ADGB: variants seen among roughly 807,000 people sequenced by gnomAD.
ADGB encodes the protein androglobin.
A neutral mutation model predicts 210.5 loss-of-function variants in ADGB; 172 were observed. The ratio of observed to expected loss-of-function variants is 0.82; its 90% CI spans 0.72 to 0.93. The LOEUF is 0.93. Among genes scored for constraint, ADGB ranks in the 40% least tolerant of loss-of-function variants. The probability of loss-of-function intolerance (pLI) is 0.00; values close to 1 mark genes in which losing one functional copy is unlikely to be tolerated. For synonymous variants in ADGB, 658 were observed against 662.7 expected (o/e 0.99, Z 0.11); for missense variants, 2,025 against 1,964.8 (o/e 1.03, Z -0.58).
intron 27 of ADGB, among the ~76,000 whole-genome samples, chr6:146,753,869 G>C (rs554687487): frequency 6.6e-6 from 1 of 151,538 alleles, no homozygotes; most frequent in African/African-American, 2.4e-5. Context: ...ATGTGCACCC[G>C]TACAATTATT....
intron 8 of ADGB, 35 bp downstream of exon 8, chr6:146,672,502 G>A: frequency 1.3e-6 from 2 of 1,493,080 alleles, no homozygotes. Flanking sequence ...GATTCAGTAT[G>A]GACATTGCAT....
chr6:146,799,576 C>T (rs527620792), intron 33 of ADGB, among the ~76,000 whole-genome samples: 31 of 124,680 alleles, frequency 2.5e-4, no homozygotes, highest in African/African-American at 3.4e-4. Flanking sequence ...GGAATGCAGG[C>T]AGGCAGGGAG....
intron 1 of ADGB, among the ~76,000 whole-genome samples, chr6:146,633,257 G>A (rs1191254042): frequency 6.6e-6 from 1 of 152,076 alleles, no homozygotes; most frequent in Non-Finnish European, 1.5e-5. Flanking sequence ...CAGTCACCAA[G>A]CCAGTCCAAA....
At chr6:146,634,964 A>T (rs1775390186) in intron 1 of ADGB, among the ~76,000 whole-genome samples, 1 of 152,076 alleles carries the variant, frequency 6.6e-6, no homozygotes, top group African/African-American at 2.4e-5. Flanking sequence ...AGTGGTAAAA[A>T]GCAATTTATA....
At chr6:146,728,462 A>C (rs1776930346) in intron 19 of ADGB, 112 bp from the exon 20 acceptor site, 1 of 1,083,522 alleles carries the variant, frequency 9.2e-7, no homozygotes, top group South Asian at 2.4e-5. Context: ...TCCTCTATAA[A>C]GAATTATTGA....
At chr6:146,767,735 G>C (rs1411616909) in intron 28 of ADGB, among the ~76,000 whole-genome samples, 1 of 152,078 alleles carries the variant, frequency 6.6e-6, no homozygotes, top group African/African-American at 2.4e-5. Flanking sequence ...TCAGCCTCTT[G>C]AAGTAAGTAT....
rs1056991033 is a variant in ADGB at position 146,781,928 on chromosome 6, C to A, written c.3863-92C>A. ...AAAAAATACAAATCTATTAGCTTAACCATATGTCCCTGAGTTGATTCCCTT... is the reference window on the plus strand; with the variant it reads ...AAAAAATACAAATCTATTAGCTTAAACATATGTCCCTGAGTTGATTCCCTT... On this transcript the variant is annotated intron_variant, in intron 29 of 35. Coordinates refer to ENST00000397944, the MANE Select transcript of ADGB (RefSeq NM_024694.4). 1.0e-5 allele frequency: 9 copies of A among 874,762 alleles called. No individual in the cohort carries two copies. The African/African-American group carries it at 1.4e-4, about 14-fold the overall frequency. 54.2% of individuals were successfully genotyped at this position (874,762 alleles called of 1,614,324 possible). A position where few individuals can be genotyped will look rare whatever the true frequency, so the allele number is the denominator to read the frequency against.
intron 12 of ADGB, among the ~76,000 whole-genome samples, chr6:146,698,730 T>C (rs1448706435): frequency 6.6e-6 from 1 of 152,110 alleles, no homozygotes; most frequent in Non-Finnish European, 1.5e-5. Context: ...CTAGTTTTTT[T>C]CTCAAACTTT....
intron 2 of ADGB, among the ~76,000 whole-genome samples, chr6:146,636,864 A>C (rs1336889119): frequency 3.3e-5 from 5 of 151,978 alleles, no homozygotes; most frequent in Non-Finnish European, 5.9e-5. Flanking sequence ...TCCAAATATA[A>C]CAAGTATCCT....
At chr6:146,635,087 TG>T (rs1216325123) in intron 1 of ADGB, among the ~76,000 whole-genome samples, 2 of 152,050 alleles carry the variant, frequency 1.3e-5, no homozygotes, top group Non-Finnish European at 2.9e-5. Context: ...AACTATATGT[TG>T]CTTGTGTTCA....
intron 1 of ADGB, among the ~76,000 whole-genome samples, chr6:146,627,322 G>T (rs778183912): frequency 2.6e-5 from 4 of 151,928 alleles, no homozygotes; most frequent in African/African-American, 9.7e-5. Flanking sequence ...TTTTATGCCT[G>T]GTAATTTTTT....
intron 26 of ADGB, 73 bp downstream of exon 26, chr6:146,746,182 G>T: frequency 8.9e-7 from 1 of 1,123,108 alleles, no homozygotes; most frequent in Non-Finnish European, 1.2e-6. Flanking sequence ...AATAAATTCT[G>T]CAGTAAAATC....
rs768805571 is a variant in ADGB, at chr6:146,784,641, A to C, written c.4059A>C (p.Gln1353His). The change falls in exon 31 of 36, where the codon CAA becomes CAC. Residue 1353 changes from glutamine to histidine, a missense_variant. Gln to His is a conservative substitution (Grantham distance 24). Transcript: ENST00000397944. ...EPQISTVHPQ[Q>H]EDPNKPYWIL... ...AGATATCCACTGTTCACCCTCAACA[A>C]GAAGACCCAAATAAACCCTACTGGA... The C allele has an allele frequency of 6.5e-7, 1 of 1,549,554 alleles. No individual in the cohort carries two copies. The highest frequency in any genetic ancestry group is 1.2e-5 in the South Asian group (1 of 83,432).
At chr6:146,782,493 G>A (rs1178957428) in intron 30 of ADGB, among the ~76,000 whole-genome samples, 2 of 152,178 alleles carry the variant, frequency 1.3e-5, no homozygotes, top group East Asian at 3.9e-4. Flanking sequence ...TAATGGAGGA[G>A]ACTGAAGGTA....
intron 33 of ADGB, among the ~76,000 whole-genome samples, 152 bp from the exon 34 acceptor site, chr6:146,801,031 T>A (rs1044645012): frequency 9.9e-5 from 15 of 151,552 alleles, no homozygotes; most frequent in Admixed American, 5.3e-4. Context: ...TAATTATATA[T>A]ATTATTAACA....
intron 30 of ADGB, among the ~76,000 whole-genome samples, chr6:146,783,994 T>C (rs955315927): frequency 1.3e-5 from 2 of 152,230 alleles, no homozygotes; most frequent in African/African-American, 4.8e-5. Flanking sequence ...AATTACAATT[T>C]ATAATTTAAT....
chr6:146,614,929 C>T (rs1355507970), intron 1 of ADGB, among the ~76,000 whole-genome samples: 1 of 152,110 alleles, frequency 6.6e-6, no homozygotes, highest in East Asian at 1.9e-4. Context: ...GAGACAGAGT[C>T]TCGCTCTGTC....
At chr6:146,780,789 C>G (rs1192521864) in intron 29 of ADGB, among the ~76,000 whole-genome samples, 1 of 151,972 alleles carries the variant, frequency 6.6e-6, no homozygotes, top group Non-Finnish European at 1.5e-5. Flanking sequence ...AGTAGACAAA[C>G]TAAACAGAAA....
At chr6:146,630,321 G>A (rs966771889) in intron 1 of ADGB, among the ~76,000 whole-genome samples, 1 of 152,114 alleles carries the variant, frequency 6.6e-6, no homozygotes, top group Non-Finnish European at 1.5e-5. Flanking sequence ...TACTTGGAAG[G>A]CCAAGGTGGA....
Sources: gnomAD v4.1 joint callset for allele counts (sites outside exome capture counted in the v4.1 genomes callset) on GRCh38, gnomAD v4.1.1 for gene constraint, MANE v1.5 for transcripts, NCBI Gene and HGNC (gene_info 2026-07-23, HGNC 2026-07-21) for gene names.